CTNND2: variants seen among roughly 807,000 people sequenced by gnomAD.
CTNND2 encodes catenin delta 2, also known as catenin delta-2.
Under a neutral mutation model 144.4 loss-of-function variants are expected in CTNND2, and 22 were observed. That is an observed-to-expected ratio of 0.15 (90% CI 0.11 to 0.22). The LOEUF is 0.22. CTNND2 is among the 10% of genes least tolerant of loss of function. The pLI, the probability that CTNND2 is intolerant of heterozygous loss-of-function variation, is 1.00. For synonymous variants in CTNND2, 751 were observed against 695.6 expected (o/e 1.08, Z -1.25); for missense variants, 1,353 against 1,618.8 (o/e 0.84, Z 2.82).
Position 11,763,820 on chromosome 5 carries a change from T to C in CTNND2, c.38-31548A>G, listed in dbSNP as rs563039888. ...TAGCTGGTTTCCCTGTTTTTGTTCA[T>C]TGCATCTTGATCTTCCTTGACAGAC... On this transcript the variant is annotated intron_variant, in intron 1 of 21. Transcript: ENST00000304623. Among the ~76,000 whole-genome samples the C allele has an allele frequency of 2.0e-5, 3 of 152,280 alleles. No individual in the cohort carries two copies. The South Asian group carries it at 6.2e-4, about 32-fold the overall frequency.
intron 1 of CTNND2, among the ~76,000 whole-genome samples, chr5:11,845,190 T>C (rs1794676465): frequency 6.6e-6 from 1 of 152,228 alleles, no homozygotes; most frequent in Non-Finnish European, 1.5e-5. Context: ...ATTTTGAATG[T>C]GATCTGCCAG....
At chr5:11,764,426 G>A (rs1789461462) in intron 1 of CTNND2, among the ~76,000 whole-genome samples, 1 of 152,158 alleles carries the variant, frequency 6.6e-6, no homozygotes, top group Non-Finnish European at 1.5e-5. Flanking sequence ...ATGTCTCTGA[G>A]TGGGCTCCTC....
chr5:11,462,070 C>T (rs1766270782), intron 3 of CTNND2, among the ~76,000 whole-genome samples: 3 of 152,048 alleles, frequency 2.0e-5, no homozygotes. Context: ...GTTTCAGGGC[C>T]TCCACAGAGG....
At chr5:11,667,480 C>A (rs923151019) in intron 2 of CTNND2, among the ~76,000 whole-genome samples, 4 of 152,182 alleles carry the variant, frequency 2.6e-5, no homozygotes, top group African/African-American at 9.7e-5. Context: ...GAAATGGTAT[C>A]TCATTGTGGT....
intron 2 of CTNND2, among the ~76,000 whole-genome samples, chr5:11,633,023 A>T (rs572145534): frequency 2.3e-4 from 35 of 152,178 alleles, no homozygotes; most frequent in Admixed American, 4.6e-4. Flanking sequence ...GCACACTAAC[A>T]CGCATGTAAT....
chr5:11,404,933 G>A (rs1454103446), intron 5 of CTNND2, among the ~76,000 whole-genome samples: 2 of 152,048 alleles, frequency 1.3e-5, no homozygotes, highest in African/African-American at 4.8e-5. Flanking sequence ...TTTAACTTTT[G>A]GGGAAATCCC....
Position 11,073,102 on chromosome 5 carries a change from C to T in CTNND2, c.2788+9594G>A, listed in dbSNP as rs189091183. Among the ~76,000 whole-genome samples the T allele has an allele frequency of 3.9e-5, 6 of 152,168 alleles. No individual in the cohort carries two copies. The South Asian group carries it at 8.3e-4, about 21-fold the overall frequency. On this transcript the variant is annotated intron_variant, in intron 16 of 21. Coordinates refer to ENST00000304623, the MANE Select transcript of CTNND2 (RefSeq NM_001332.4). Reference sequence around the variant, plus strand: ...GGTTTAAAAAGAATTCATCTTTAAACGTTTAAACTCATTTCTAATCCATTA... The same window carrying T: ...GGTTTAAAAAGAATTCATCTTTAAATGTTTAAACTCATTTCTAATCCATTA...
intron 3 of CTNND2, among the ~76,000 whole-genome samples, chr5:11,484,642 A>T (rs1419969730): frequency 6.6e-6 from 1 of 152,230 alleles, no homozygotes; most frequent in Non-Finnish European, 1.5e-5. Context: ...TTTACAATTA[A>T]AATGCTACAT....
intron 16 of CTNND2, among the ~76,000 whole-genome samples, chr5:11,026,270 G>A (rs1742811829): frequency 6.6e-6 from 1 of 151,826 alleles, no homozygotes; most frequent in African/African-American, 2.4e-5. Context: ...GTCTTGGAAT[G>A]ACCTGCTTAG....
At chr5:11,382,599 G>GTA (rs749836379) in intron 7 of CTNND2, among the ~76,000 whole-genome samples, 16,645 of 81,320 alleles carry the variant, frequency 0.2, 1,119 homozygotes, top group Non-Finnish European at 0.24. Flanking sequence ...GAGACTCTGT[G>GTA]TGTGTGTGTG....
At chr5:11,148,152 T>C (rs1757423992) in intron 12 of CTNND2, among the ~76,000 whole-genome samples, 1 of 152,210 alleles carries the variant, frequency 6.6e-6, no homozygotes, top group African/African-American at 2.4e-5. Context: ...AGACTGGTAA[T>C]TGCCAGGGCC....
At chr5:11,637,560 C>T (rs774419008) in intron 2 of CTNND2, among the ~76,000 whole-genome samples, 1 of 152,028 alleles carries the variant, frequency 6.6e-6, no homozygotes, top group Non-Finnish European at 1.5e-5. Context: ...CCTCTTTAGC[C>T]TCAGAACAAT....
intron 8 of CTNND2, among the ~76,000 whole-genome samples, chr5:11,354,505 G>A (rs2149753843): frequency 6.6e-6 from 1 of 152,252 alleles, no homozygotes; most frequent in African/African-American, 2.4e-5. Flanking sequence ...GCATTTCCAT[G>A]TCAAGCGTAT....
intron 3 of CTNND2, among the ~76,000 whole-genome samples, chr5:11,445,936 T>C (rs11133653): frequency 0.073 from 11,162 of 152,288 alleles, 442 homozygotes; most frequent in South Asian, 0.11. Context: ...ATGTATCAGA[T>C]ACCAAAATAA....
At chr5:11,197,872 T>C (rs866896816) in intron 11 of CTNND2, among the ~76,000 whole-genome samples, 4 of 152,224 alleles carry the variant, frequency 2.6e-5, no homozygotes, top group Admixed American at 6.5e-5. Flanking sequence ...GGGGTTCTTC[T>C]ACACAATGAA....
chr5:11,210,643 A>G (rs1458178183), intron 10 of CTNND2, among the ~76,000 whole-genome samples: 1 of 152,236 alleles, frequency 6.6e-6, no homozygotes, highest in East Asian at 1.9e-4. Flanking sequence ...CTCAAAGAGA[A>G]TTTTGGATGA....
At chr5:11,157,646 T>A (rs1353599445) in intron 12 of CTNND2, among the ~76,000 whole-genome samples, 1 of 152,226 alleles carries the variant, frequency 6.6e-6, no homozygotes, top group East Asian at 1.9e-4. Flanking sequence ...TGAATAGTGA[T>A]CTTGGCTTTG....
At chr5:10,975,503 G>A (rs995731591) in intron 21 of CTNND2, among the ~76,000 whole-genome samples, 1 of 152,112 alleles carries the variant, frequency 6.6e-6, no homozygotes, top group African/African-American at 2.4e-5. Flanking sequence ...CCACCTTATA[G>A]ATGAGAAAAC....
chr5:11,127,800 T>A (rs1366961577), intron 12 of CTNND2, among the ~76,000 whole-genome samples: 1 of 152,130 alleles, frequency 6.6e-6, no homozygotes, highest in Non-Finnish European at 1.5e-5. Context: ...CAGCTCGGAT[T>A]TGGATGATTC....
Sources: gnomAD v4.1 joint callset for allele counts (sites outside exome capture counted in the v4.1 genomes callset) on GRCh38, gnomAD v4.1.1 for gene constraint, MANE v1.5 for transcripts, NCBI Gene and HGNC (gene_info 2026-07-23, HGNC 2026-07-21) for gene names.